ESD: variants seen among roughly 807,000 people sequenced by gnomAD.
ESD encodes S-formylglutathione hydrolase.
In ESD, 34 loss-of-function variants were observed where a neutral mutation model predicts 38.1. The ratio of observed to expected loss-of-function variants is 0.89; its 90% CI spans 0.68 to 1.19. ESD has a LOEUF of 1.19. Among genes scored for constraint, ESD ranks in the 50% most tolerant of loss-of-function variants. The pLI is 0.00. For missense variants in ESD, 334 were observed against 327.2 expected (o/e 1.02, Z -0.16); for synonymous variants, 97 against 107.0 (o/e 0.91, Z 0.58).
intron 4 of ESD, among the ~76,000 whole-genome samples, chr13:46,786,153 A>G (rs1875185929): frequency 6.6e-6 from 1 of 152,084 alleles, no homozygotes; most frequent in Non-Finnish European, 1.5e-5. Flanking sequence ...TCTTCTAGCA[A>G]AATCAGTGCT....
intron 8 of ESD, among the ~76,000 whole-genome samples, chr13:46,778,975 T>A (rs1376948979): frequency 1.4e-5 from 2 of 139,448 alleles, no homozygotes; most frequent in Non-Finnish European, 3.2e-5. Flanking sequence ...TTAAATACTT[T>A]AAGACAAAGA....
chr13:46,775,496 T>C (rs1033053348), intron 9 of ESD: 2 of 371,858 alleles, frequency 5.4e-6, no homozygotes, highest in Non-Finnish European at 1.1e-5. Context: ...AGTTATACTA[T>C]ACTTGTAATC....
intron 1 of ESD, among the ~76,000 whole-genome samples, chr13:46,795,837 T>C (rs545606117): frequency 1.3e-5 from 2 of 151,352 alleles, no homozygotes; most frequent in Admixed American, 1.3e-4. Flanking sequence ...ACTGCAATCA[T>C]CTCGGCCCCC....
At chr13:46,791,671 T>G (rs1343204536) in intron 2 of ESD, among the ~76,000 whole-genome samples, 4 of 152,080 alleles carry the variant, frequency 2.6e-5, no homozygotes, top group Non-Finnish European at 5.9e-5. Context: ...AACAAGTTTT[T>G]TCGTTGTGGT....
At chr13:46,779,705 T>TTA (rs1005655413) in intron 8 of ESD, among the ~76,000 whole-genome samples, 4,790 of 143,344 alleles carry the variant, frequency 0.033, 190 homozygotes, top group African/African-American at 0.096. Context: ...TTTTGTTGAT[T>TTA]TATATATATA....
At chr13:46,790,377 T>C (rs1054408363) in intron 3 of ESD, among the ~76,000 whole-genome samples, 11 of 152,296 alleles carry the variant, frequency 7.2e-5, no homozygotes, top group Non-Finnish European at 1.5e-4. Flanking sequence ...GTTACTTTGT[T>C]GGCAAATCTC....
chr13:46,791,361 A>T lies in ESD; in HGVS notation c.53T>A (p.Val18Asp), dbSNP rs1198089933. 2 of 1,612,582 alleles carry T rather than the reference A, an allele frequency of 1.2e-6. No homozygotes were observed. The highest frequency in any genetic ancestry group is 1.7e-6 in the Non-Finnish European group (2 of 1,179,156). Residue 18 changes from valine (V) to aspartate (D), a missense_variant, in exon 3 of 10, where the codon GTT (valine) becomes GAT (aspartate). Transcript: ENST00000378720. ...SNKCFGGLQK[V>D]FEHDSVELNC... ...TAATAGTTACCTGTCATGTTCAAAA[A>T]CTTTCTGCAATCCCCCAAAGCACTT... is the stretch of plus-strand genomic sequence containing the variant.
chr13:46,786,471 G>A (rs893828605), intron 4 of ESD, among the ~76,000 whole-genome samples: 7 of 151,982 alleles, frequency 4.6e-5, no homozygotes, highest in African/African-American at 1.7e-4. Context: ...AACTGCAGGT[G>A]TCAAAATCTT....
At chr13:46,791,799 C>T (rs912386868) in intron 2 of ESD, among the ~76,000 whole-genome samples, 5 of 151,840 alleles carry the variant, frequency 3.3e-5, no homozygotes, top group African/African-American at 1.2e-4. Context: ...ACAAAGTAGT[C>T]AAGGAATTGG....
chr13:46,796,656 G>T (rs377256111), intron 1 of ESD, among the ~76,000 whole-genome samples: 2 of 152,238 alleles, frequency 1.3e-5, no homozygotes, highest in East Asian at 3.9e-4. Flanking sequence ...CCCCGACGCG[G>T]ACGCTGCCTA....
At chr13:46,786,912 C>T (rs1875212035) in intron 4 of ESD, 109 bp downstream of exon 4, 9 of 542,790 alleles carry the variant, frequency 1.7e-5, no homozygotes, top group Non-Finnish European at 2.4e-5. Flanking sequence ...TCCTTAAAGT[C>T]TTTCATAAAT....
rs180948327 is a variant in ESD at position 46,795,099 on chromosome 13, T to C, written c.-55-1655A>G. On this transcript the variant is annotated intron_variant, in intron 1 of 9. Coordinates refer to ENST00000378720, the MANE Select transcript of ESD (RefSeq NM_001984.2). ...ATTCCTCTTTTCATTGCCTCTCTTT[T>C]TCAGACTCATGCCTGTCTTGCCTAA... 3.7e-3 allele frequency among the ~76,000 whole-genome samples: 564 copies of C among 152,330 alleles called. 4 individuals are homozygous for C. The highest frequency in any genetic ancestry group is 0.013 in the African/African-American group (532 of 41,574).
intron 2 of ESD, among the ~76,000 whole-genome samples, chr13:46,792,149 G>T (rs144760611): frequency 6.6e-6 from 1 of 152,110 alleles, no homozygotes; most frequent in Non-Finnish European, 1.5e-5. Context: ...AAAAAAGTTG[G>T]AAAACTATCT....
chr13:46,788,673 CAAAA>C (rs10599927), intron 3 of ESD, among the ~76,000 whole-genome samples: 3 of 82,386 alleles, frequency 3.6e-5, no homozygotes, highest in South Asian at 3.4e-4. Flanking sequence ...TATGTAAAAG[CAAAA>C]AAAAAAAAAA....
chr13:46,793,051 A>G (rs1023594395), intron 2 of ESD, among the ~76,000 whole-genome samples: 26 of 152,168 alleles, frequency 1.7e-4, no homozygotes, highest in African/African-American at 6.3e-4. Flanking sequence ...TCAAAATCAA[A>G]TGCTTTTCAT....
At chr13:46,774,777 T>TCC (rs1209502811) in intron 9 of ESD, among the ~76,000 whole-genome samples, 66 of 152,294 alleles carry the variant, frequency 4.3e-4, no homozygotes, top group African/African-American at 1.6e-3. Context: ...CTTCAGTGTA[T>TCC]AAGGAGGAAG....
chr13:46,787,060 C>T lies in ESD; in HGVS notation c.118G>A (p.Ala40Thr). ...MKFAVYLPPKAETGKCPALYW... is the reference protein window; with the variant it reads ...MKFAVYLPPKTETGKCPALYW... ...AGTGCAGGGCACTTTCCTGTTTCTGCCTTTGGTGGTAAGTAGACAGCAAAT... is the reference window on the plus strand; with the variant it reads ...AGTGCAGGGCACTTTCCTGTTTCTGTCTTTGGTGGTAAGTAGACAGCAAAT... The change falls in exon 4 of 10, where the codon GCA becomes ACA. Residue 40 changes from alanine (A) to threonine (T), a missense_variant. Ala to Thr is a moderately conservative substitution (Grantham distance 58, BLOSUM62 0). Coordinates refer to ENST00000378720, the MANE Select transcript of ESD (RefSeq NM_001984.2). 1 of 1,576,704 alleles carries T rather than the reference C, an allele frequency of 6.3e-7. No individual in the cohort carries two copies. Among genetic ancestry groups the T allele is most frequent in the Non-Finnish European group, 8.7e-7 (1 of 1,155,106 alleles).
intron 2 of ESD, 38 bp from the exon 3 acceptor site, chr13:46,791,458 T>G (rs1418799263): frequency 6.7e-7 from 1 of 1,497,298 alleles, no homozygotes; most frequent in South Asian, 1.2e-5. Flanking sequence ...TTCCAGAGAA[T>G]TAGTTACTGA....
chr13:46,787,164 G>GAACA, intron 3 of ESD, 55 bp from the exon 4 acceptor site: 1 of 1,010,398 alleles, frequency 9.9e-7, no homozygotes, highest in Admixed American at 2.3e-5. Flanking sequence ...AATCAATACA[G>GAACA]AAACAAAATA....
Sources: allele counts gnomAD v4.1 joint callset (sites outside exome capture counted in the v4.1 genomes callset), GRCh38; gene constraint gnomAD v4.1.1; transcripts MANE v1.5; gene names NCBI Gene and HGNC (gene_info 2026-07-23, HGNC 2026-07-21).